Variants in CFAP100 observed in about 807,000 individuals in gnomAD.
CFAP100 encodes cilia- and flagella-associated protein 100.
Under a neutral mutation model 81.5 loss-of-function variants are expected in CFAP100, and 70 were observed. The ratio of observed to expected loss-of-function variants is 0.86; its 90% CI spans 0.71 to 1.05. The LOEUF (loss-of-function observed/expected upper bound fraction) is 1.05, where lower values mean the gene tolerates loss of function less well. Among genes scored for constraint, CFAP100 ranks in the 50% least tolerant of loss-of-function variants. The pLI, the probability that CFAP100 is intolerant of heterozygous loss-of-function variation, is 0.00. For synonymous variants in CFAP100, 341 were observed against 314.8 expected (o/e 1.08, Z -0.88); for missense variants, 811 against 776.5 (o/e 1.04, Z -0.53).
At chr3:126,406,103 A>T (rs1410367398) in intron 2 of CFAP100, among the ~76,000 whole-genome samples, 1 of 152,120 alleles carries the variant, frequency 6.6e-6, no homozygotes, top group Admixed American at 6.6e-5. Context: ...ATGGTTCAGC[A>T]ACCGAGCCCC....
intron 3 of CFAP100, among the ~76,000 whole-genome samples, chr3:126,409,425 T>G (rs1039697855): frequency 2.0e-5 from 3 of 152,220 alleles, no homozygotes; most frequent in Admixed American, 2.0e-4. Context: ...TATGAAGTCT[T>G]GTACATGTCA....
At chr3:126,404,392 T>C (rs557288283) in intron 2 of CFAP100, among the ~76,000 whole-genome samples, 9 of 152,290 alleles carry the variant, frequency 5.9e-5, no homozygotes, top group Admixed American at 1.3e-4. Context: ...TTTGAGATTG[T>C]TTATCTAGAC....
chr3:126,418,043 G>GCCGTATCATTAAAGAA, intron 5 of CFAP100: 1 of 182,784 alleles, frequency 5.5e-6, no homozygotes. Context: ...TTGCTCGGGG[G>GCCGTATCATTAAAGAA]GCTTAGGTGC....
intron 11 of CFAP100, among the ~76,000 whole-genome samples, chr3:126,423,088 C>T (rs1445766817): frequency 6.6e-6 from 1 of 152,196 alleles, no homozygotes; most frequent in African/African-American, 2.4e-5. Flanking sequence ...ATGGTTTGTC[C>T]AGCATGTCAA....
chr3:126,401,111 T>C (rs540735370), intron 2 of CFAP100, among the ~76,000 whole-genome samples: 1 of 151,556 alleles, frequency 6.6e-6, no homozygotes, highest in Non-Finnish European at 1.5e-5. Context: ...ATGATTCCGC[T>C]CATATAAGTG....
rs2082862496 is a variant in CFAP100 at position 126,394,952 on chromosome 3, C to A, written c.-86C>A. 6.6e-6 allele frequency: 1 copy of A among 152,334 alleles called. No individual in the cohort carries two copies. The highest frequency in any genetic ancestry group is 1.5e-5 in the Non-Finnish European group (1 of 68,098). The allele number at this position is 152,334 out of a possible 1,614,324, so 9.4% of individuals were successfully genotyped here. A position where few individuals can be genotyped will look rare whatever the true frequency, so the allele number is the denominator to read the frequency against. ...GCTGAGAACTGCAGCGCGGAGGCTTCGGAGCGAGCCGGGGCAGTCGGGGTC... is the reference window on the plus strand; with the variant it reads ...GCTGAGAACTGCAGCGCGGAGGCTTAGGAGCGAGCCGGGGCAGTCGGGGTC... On this transcript the variant is annotated 5_prime_UTR_variant, in exon 1 of 17. Coordinates refer to ENST00000352312, the MANE Select transcript of CFAP100 (RefSeq NM_182628.3).
In CFAP100 at chr3:126,431,946, C is replaced by T. The variant is rs190139945; in HGVS notation, c.1287-1123C>T. ...AGGATGTCTGAGGACCAACTCTGAG[C>T]AGCATGTCCCTTGTGCATCTGTTTC... On this transcript the variant is annotated intron_variant, in intron 13 of 16. Coordinates refer to ENST00000352312, the MANE Select transcript of CFAP100 (RefSeq NM_182628.3). Among the ~76,000 whole-genome samples, 9 of 152,250 alleles carry T rather than the reference C, an allele frequency of 5.9e-5. No individual in the cohort carries two copies. In the East Asian group the frequency reaches 1.7e-3, roughly 29 times the overall value.
intron 2 of CFAP100, among the ~76,000 whole-genome samples, chr3:126,405,222 A>G (rs1426493554): frequency 4.6e-5 from 7 of 152,150 alleles, no homozygotes; most frequent in Non-Finnish European, 1.0e-4. Context: ...GGCAGCATAC[A>G]GTATTTGTCC....
Position 126,418,826 on chromosome 3 carries a change from C to G in CFAP100, c.650+52C>G, listed in dbSNP as rs777506267. 2.6e-6 allele frequency: 4 copies of G among 1,517,002 alleles called. No homozygotes were observed. In the African/African-American group the frequency reaches 4.2e-5, roughly 16 times the overall value. 94.0% of individuals were successfully genotyped at this position (1,517,002 alleles called of 1,614,324 possible). On this transcript the variant is annotated intron_variant, in intron 7 of 16. Coordinates refer to ENST00000352312, the MANE Select transcript of CFAP100 (RefSeq NM_182628.3). Reference sequence around the variant, plus strand: ...CTGGGCAATGCCGAACCCCCACTGTCCCTGAGCCTGTGCACACCCACTTAT... The same window carrying G: ...CTGGGCAATGCCGAACCCCCACTGTGCCTGAGCCTGTGCACACCCACTTAT...
intron 2 of CFAP100, among the ~76,000 whole-genome samples, chr3:126,398,397 CAA>C (rs1375813394): frequency 3.9e-5 from 6 of 152,208 alleles, no homozygotes; most frequent in Non-Finnish European, 8.8e-5. Flanking sequence ...ATATATTTCC[CAA>C]GACACCAGGC....
chr3:126,418,585 C>T, intron 6 of CFAP100, 26 bp from the exon 7 acceptor site: 1 of 1,612,520 alleles, frequency 6.2e-7, no homozygotes, highest in South Asian at 1.1e-5. Context: ...GGCCAGGCAC[C>T]ATGACCCCAC....
intron 5 of CFAP100, chr3:126,418,039 G>GCC: frequency 1.2e-5 from 2 of 172,356 alleles, no homozygotes; most frequent in Non-Finnish European, 1.2e-5. Context: ...CAGTTTGCTC[G>GCC]GGGGGCTTAG....
intron 13 of CFAP100, among the ~76,000 whole-genome samples, chr3:126,429,694 A>G (rs1933128440): frequency 6.6e-6 from 1 of 150,968 alleles, no homozygotes; most frequent in African/African-American, 2.4e-5. Context: ...CTGATAACAA[A>G]TTTACTTCAA....
intron 13 of CFAP100, among the ~76,000 whole-genome samples, chr3:126,431,590 T>C (rs900601779): frequency 6.6e-6 from 1 of 152,214 alleles, no homozygotes; most frequent in Non-Finnish European, 1.5e-5. Flanking sequence ...TTTTCATCCA[T>C]GGATGGTTGT....
intron 2 of CFAP100, among the ~76,000 whole-genome samples, chr3:126,401,146 A>AT (rs1383943647): frequency 6.6e-6 from 1 of 151,744 alleles, no homozygotes; most frequent in African/African-American, 2.4e-5. Flanking sequence ...AGTCATAGAG[A>AT]CAGAAGGGGG....
chr3:126,423,458 C>T lies in CFAP100; in HGVS notation c.1135-35C>T, dbSNP rs761351678. ...CCACCCCTGCCCCTCTGGCTCTGTC[C>T]CTGTCCAGTCCCTGCCAAAACCTGT... is the stretch of plus-strand genomic sequence containing the variant. On this transcript the variant is annotated intron_variant, in intron 12 of 16. Coordinates refer to ENST00000352312, the MANE Select transcript of CFAP100 (RefSeq NM_182628.3). 2.5e-6 allele frequency: 4 copies of T among 1,613,136 alleles called. No individual in the cohort carries two copies. In the South Asian group the frequency reaches 3.3e-5, roughly 13 times the overall value.
At chr3:126,420,076 C>T (rs200743173) in intron 10 of CFAP100, 27 bp from the exon 11 acceptor site, 86 of 1,613,238 alleles carry the variant, frequency 5.3e-5, no homozygotes, top group African/African-American at 4.3e-4. Context: ...GCACAGGGCT[C>T]GGAAACTATT....
Position 126,425,171 on chromosome 3 carries a change from T to C in CFAP100, c.1286+1527T>C, listed in dbSNP as rs150294855. Among the ~76,000 whole-genome samples, 21 of 152,300 alleles carry C rather than the reference T, an allele frequency of 1.4e-4. No homozygotes were observed. In the East Asian group the frequency reaches 4.1e-3, roughly 29 times the overall value. On this transcript the variant is annotated intron_variant, in intron 13 of 16. Transcript: ENST00000352312. ...GAAGACAGGTTCCTCCTCCAACACATGCATGCAAACGTAAACCTCATAGCA... is the reference window on the plus strand; with the variant it reads ...GAAGACAGGTTCCTCCTCCAACACACGCATGCAAACGTAAACCTCATAGCA...
At chr3:126,401,110 C>T (rs1018536614) in intron 2 of CFAP100, among the ~76,000 whole-genome samples, 1 of 151,592 alleles carries the variant, frequency 6.6e-6, no homozygotes, top group Non-Finnish European at 1.5e-5. Flanking sequence ...TATGATTCCG[C>T]TCATATAAGT....
Sources: allele counts gnomAD v4.1 joint callset (sites outside exome capture counted in the v4.1 genomes callset), GRCh38; gene constraint gnomAD v4.1.1; transcripts MANE v1.5; gene names NCBI Gene and HGNC (gene_info 2026-07-23, HGNC 2026-07-21).